PFDN4: variants seen among roughly 807,000 people sequenced by gnomAD.
PFDN4 encodes the protein prefoldin 4.
PFDN4 carries 6 observed loss-of-function variants against 17.6 expected under a neutral mutation model. The observed-to-expected ratio is 0.34, with a 90% confidence interval of 0.19 to 0.67. The LOEUF is 0.67. Among genes scored for constraint, PFDN4 ranks in the 30% least tolerant of loss-of-function variants. The probability of loss-of-function intolerance (pLI) is 0.68; values close to 1 mark genes in which losing one functional copy is unlikely to be tolerated. For synonymous variants in PFDN4, 48 were observed against 51.1 expected (o/e 0.94, Z 0.26); for missense variants, 119 against 158.4 (o/e 0.75, Z 1.33).
Position 54,219,342 on chromosome 20 carries a change from A to C in PFDN4, c.*192A>C. ...TTTTAAAAGAAGACAGTATTCACCT[A>C]TGTATTTTGCATAACGATTATATCA... On this transcript the variant is annotated 3_prime_UTR_variant, in exon 4 of 4. Transcript: ENST00000371419. 2.2e-6 allele frequency: 1 copy of C among 446,120 alleles called. No individual in the cohort carries two copies. Among genetic ancestry groups the C allele is most frequent in the Non-Finnish European group, 3.9e-6 (1 of 255,966 alleles). The allele number at this position is 446,120 out of a possible 1,614,324, so 27.6% of individuals were successfully genotyped here.
At chr20:54,208,272 C>T (rs1341178587) in intron 1 of PFDN4, 148 bp downstream of exon 1, 1 of 667,122 alleles carries the variant, frequency 1.5e-6, no homozygotes. Flanking sequence ...GGTCCCGCGG[C>T]AAGGCCTGCT....
chr20:54,208,557 G>A (rs2092751331), intron 1 of PFDN4: 1 of 164,242 alleles, frequency 6.1e-6, no homozygotes, highest in African/African-American at 2.4e-5. Context: ...GCGTGGTTAC[G>A]GGTGAGGAAA....
intron 1 of PFDN4, among the ~76,000 whole-genome samples, chr20:54,212,602 T>A (rs1289461144): frequency 6.6e-6 from 1 of 152,274 alleles, no homozygotes; most frequent in Admixed American, 6.5e-5. Flanking sequence ...TTAGCCTTAG[T>A]TATGTGCCAG....
At chr20:54,217,634 A>G (rs753437935) in intron 3 of PFDN4, among the ~76,000 whole-genome samples, 1 of 152,214 alleles carries the variant, frequency 6.6e-6, no homozygotes. Flanking sequence ...CCTGTGGGCT[A>G]TAGTTTGCCC....
At chr20:54,211,634 C>G (rs946512962) in intron 1 of PFDN4, among the ~76,000 whole-genome samples, 3 of 152,164 alleles carry the variant, frequency 2.0e-5, no homozygotes, top group Admixed American at 6.5e-5. Flanking sequence ...CAGCCTGACT[C>G]TTCCCACCAC....
intron 3 of PFDN4, among the ~76,000 whole-genome samples, chr20:54,217,912 C>A (rs2092764728): frequency 6.6e-6 from 1 of 152,120 alleles, no homozygotes. Context: ...TGGGCCCGAC[C>A]CAAAGACGAT....
chr20:54,214,751 G>GCAGACTTAGGAACACCA, intron 2 of PFDN4, among the ~76,000 whole-genome samples: 1 of 152,304 alleles, frequency 6.6e-6, no homozygotes, highest in Non-Finnish European at 1.5e-5. Flanking sequence ...TCTTCCCAAT[G>GCAGACTTAGGAACACCA]AGGAAGCCAC....
chr20:54,213,823 C>T (rs918436263), intron 1 of PFDN4, among the ~76,000 whole-genome samples: 1 of 151,772 alleles, frequency 6.6e-6, no homozygotes, highest in Non-Finnish European at 1.5e-5. Flanking sequence ...GTAAAGTAGA[C>T]CTTATTAAGA....
chr20:54,210,999 C>G (rs1355975784), intron 1 of PFDN4, among the ~76,000 whole-genome samples: 3 of 152,156 alleles, frequency 2.0e-5, no homozygotes, highest in Non-Finnish European at 4.4e-5. Context: ...GCACGAGAAT[C>G]GCTTGAACCT....
Position 54,219,181 on chromosome 20 carries a change from A to G in PFDN4, c.*31A>G. 1.7e-6 allele frequency: 2 copies of G among 1,204,080 alleles called. No homozygotes were observed. Among genetic ancestry groups the G allele is most frequent in the Non-Finnish European group, 2.3e-6 (2 of 876,056 alleles). The allele number at this position is 1,204,080 out of a possible 1,614,324, so 74.6% of individuals were successfully genotyped here. On this transcript the variant is annotated 3_prime_UTR_variant, in exon 4 of 4. Coordinates refer to ENST00000371419, the MANE Select transcript of PFDN4 (RefSeq NM_002623.4). ...TTATAATACTTTTTTTATTTGTTTA[A>G]TAAACTTGAATATTGTTTAAAATGA...
At chr20:54,208,934 C>G (rs6023037) in intron 1 of PFDN4, 5,296 of 152,240 alleles carry the variant, frequency 0.035, 189 homozygotes, top group African/African-American at 0.085. Context: ...TTGTTTTTCT[C>G]AAAGCACGCC....
chr20:54,217,551 A>C (rs1005163941), intron 3 of PFDN4, among the ~76,000 whole-genome samples: 4 of 152,178 alleles, frequency 2.6e-5, no homozygotes, highest in Non-Finnish European at 4.4e-5. Context: ...ATTACTATGA[A>C]AGCAAGATGA....
In PFDN4 at chr20:54,214,441, G is replaced by T. The variant is rs773903753; in HGVS notation, c.115G>T (p.Glu39Ter). The T allele has an allele frequency of 6.6e-7, 1 of 1,525,348 alleles. No individual in the cohort carries two copies. Among genetic ancestry groups the T allele is most frequent in the Admixed American group, 1.8e-5 (1 of 54,360 alleles). The allele number at this position is 1,525,348 out of a possible 1,614,324, so 94.5% of individuals were successfully genotyped here. ...NTSRITELKE[E>*]IEVKKKQLQN... ...AAGTAGAATCACAGAGCTGAAGGAA[G>T]AAATAGAAGTAAAAAAGGTATTGAA... The change falls in exon 2 of 4, where the codon GAA (glutamate) becomes TAA (stop). Residue 39 changes from glutamate (E) to a stop codon, truncating the protein, a stop_gained. Transcript: ENST00000371419. LOFTEE classifies it high-confidence loss of function.
Position 54,219,153 on chromosome 20 carries a change from A to T in PFDN4, c.*3A>T. ...ACCTTGAAGCTGATGAAAGTTAAAC[A>T]TTTTATAATACTTTTTTTATTTGTT... On this transcript the variant is annotated 3_prime_UTR_variant, in exon 4 of 4. Transcript: ENST00000371419. 6.8e-7 allele frequency: 1 copy of T among 1,460,436 alleles called. No individual in the cohort carries two copies. Among genetic ancestry groups the T allele is most frequent in the Non-Finnish European group, 9.2e-7 (1 of 1,089,570 alleles). The allele number at this position is 1,460,436 out of a possible 1,614,324, so 90.5% of individuals were successfully genotyped here. A position where few individuals can be genotyped will look rare whatever the true frequency, so the allele number is the denominator to read the frequency against.
chr20:54,217,908 C>G (rs551966582), intron 3 of PFDN4, among the ~76,000 whole-genome samples: 1 of 152,096 alleles, frequency 6.6e-6, no homozygotes, highest in Non-Finnish European at 1.5e-5. Flanking sequence ...TTGCTGGGCC[C>G]GACCCAAAGA....
intron 1 of PFDN4, among the ~76,000 whole-genome samples, chr20:54,210,978 G>A (rs1202326873): frequency 2.0e-5 from 3 of 152,156 alleles, no homozygotes; most frequent in Admixed American, 6.5e-5. Flanking sequence ...CCAGCTACTC[G>A]GGAGGCTGAG....
chr20:54,219,217 T>C lies in PFDN4; in HGVS notation c.*67T>C. The C allele has an allele frequency of 9.9e-7, 1 of 1,011,766 alleles. No homozygotes were observed. The highest frequency in any genetic ancestry group is 1.4e-6 in the Non-Finnish European group (1 of 726,286). 62.7% of individuals were successfully genotyped at this position (1,011,766 alleles called of 1,614,324 possible). On this transcript the variant is annotated 3_prime_UTR_variant, in exon 4 of 4. Transcript: ENST00000371419. Reference sequence around the variant, plus strand: ...TATTGTTTAAAATGATAATTTTCCTTCTTCAAATGACATGGAAAGCAAAAC... The same window carrying C: ...TATTGTTTAAAATGATAATTTTCCTCCTTCAAATGACATGGAAAGCAAAAC...
intron 1 of PFDN4, among the ~76,000 whole-genome samples, chr20:54,210,490 C>T (rs1196730614): frequency 6.6e-6 from 1 of 152,190 alleles, no homozygotes; most frequent in African/African-American, 2.4e-5. Flanking sequence ...ACGTTTGTAA[C>T]ACATCGTATC....
intron 3 of PFDN4, 119 bp downstream of exon 3, chr20:54,215,559 C>T (rs1048874304): frequency 1.6e-6 from 1 of 630,678 alleles, no homozygotes; most frequent in Admixed American, 3.4e-5. Context: ...TGTTATGTCC[C>T]AGGCATGCTC....
Sources: gnomAD v4.1 joint callset for allele counts (sites outside exome capture counted in the v4.1 genomes callset) on GRCh38, gnomAD v4.1.1 for gene constraint, MANE v1.5 for transcripts, NCBI Gene and HGNC (gene_info 2026-07-23, HGNC 2026-07-21) for gene names.